Variants in AGBL4 observed in about 807,000 individuals in gnomAD.
The protein encoded by AGBL4 is AGBL carboxypeptidase 4, also known as cytosolic carboxypeptidase 6.
A neutral mutation model predicts 66.4 loss-of-function variants in AGBL4; 58 were observed. That is an observed-to-expected ratio of 0.87 (90% CI 0.71 to 1.09). AGBL4 has a LOEUF of 1.09. Ranked by LOEUF, AGBL4 falls within the 50% of genes least tolerant of loss-of-function variation. The pLI, the probability that AGBL4 is intolerant of heterozygous loss-of-function variation, is 0.00. For missense variants in AGBL4, 579 were observed against 631.0 expected, an observed-to-expected ratio of 0.92 and a Z score of 0.88; for synonymous variants, 234 against 222.9, an observed-to-expected ratio of 1.05 and a Z score of -0.44.
chr1:48,564,023 T>C (rs971291486), intron 11 of AGBL4, among the ~76,000 whole-genome samples: 5 of 152,172 alleles, frequency 3.3e-5, no homozygotes, highest in African/African-American at 4.8e-5. Flanking sequence ...ATCGGGCCTA[T>C]GATCAGCCAG....
At chr1:49,273,436 ATGT>A (rs1644103248) in intron 3 of AGBL4, among the ~76,000 whole-genome samples, 1 of 150,508 alleles carries the variant, frequency 6.6e-6, no homozygotes, top group Non-Finnish European at 1.5e-5. Context: ...ATAAATTTTT[ATGT>A]TACTTTCAAT....
chr1:49,329,391 C>T (rs577528771), intron 3 of AGBL4, among the ~76,000 whole-genome samples: 158 of 152,132 alleles, frequency 1.0e-3, no homozygotes, highest in African/African-American at 3.4e-3. Context: ...ATGTGCCGGG[C>T]GCGGTGGTTC....
chr1:49,141,998 T>TG (rs765682214), intron 4 of AGBL4, among the ~76,000 whole-genome samples: 13 of 151,896 alleles, frequency 8.6e-5, no homozygotes, highest in Non-Finnish European at 1.3e-4. Context: ...CACGAGGTGG[T>TG]GGGGGGGTGG....
At chr1:49,933,649 A>AG (rs945542882) in intron 1 of AGBL4, among the ~76,000 whole-genome samples, 2 of 152,130 alleles carry the variant, frequency 1.3e-5, no homozygotes, top group Non-Finnish European at 2.9e-5. Context: ...ACAAAGTGTG[A>AG]GGGGGGTGAA....
At chr1:48,746,654 C>T (rs1009391772) in intron 6 of AGBL4, among the ~76,000 whole-genome samples, 1 of 152,210 alleles carries the variant, frequency 6.6e-6, no homozygotes, top group Non-Finnish European at 1.5e-5. Flanking sequence ...ACCAAAGGTA[C>T]ATCTTAAAAG....
intron 2 of AGBL4, among the ~76,000 whole-genome samples, chr1:49,834,691 T>C (rs1395030568): frequency 6.6e-6 from 1 of 152,224 alleles, no homozygotes; most frequent in African/African-American, 2.4e-5. Context: ...TCTTTCCCAC[T>C]TTCTTCTGTG....
chr1:49,107,887 C>T (rs1314118602), intron 4 of AGBL4, among the ~76,000 whole-genome samples: 1 of 152,102 alleles, frequency 6.6e-6, no homozygotes, highest in Non-Finnish European at 1.5e-5. Flanking sequence ...TACCCCAACC[C>T]ACAGAAACCT....
chr1:49,816,521 T>C lies in AGBL4; in HGVS notation c.157+34875A>G, dbSNP rs546945017. 2.0e-5 allele frequency among the ~76,000 whole-genome samples: 3 copies of C among 152,164 alleles called. No homozygotes were observed. In the South Asian group the frequency reaches 6.2e-4, roughly 31 times the overall value. ...TGAAAAGTAGATATGAGTATAGACA[T>C]GGTGAAAATTAGGCCTCCCAGCCCA... On this transcript the variant is annotated intron_variant, in intron 2 of 13. Coordinates refer to ENST00000371839, the MANE Select transcript of AGBL4 (RefSeq NM_032785.4).
chr1:48,850,763 C>T (rs1009339599), intron 6 of AGBL4, among the ~76,000 whole-genome samples: 6 of 152,066 alleles, frequency 3.9e-5, no homozygotes, highest in Non-Finnish European at 5.9e-5. Flanking sequence ...GCGATCTGCC[C>T]GCCTCAGCCT....
intron 11 of AGBL4, among the ~76,000 whole-genome samples, chr1:48,542,364 C>T (rs888453612): frequency 2.6e-5 from 4 of 152,182 alleles, no homozygotes; most frequent in South Asian, 4.1e-4. Flanking sequence ...CCCAGTAATG[C>T]GATTGCTGGA....
intron 5 of AGBL4, among the ~76,000 whole-genome samples, chr1:49,020,218 A>G (rs896174553): frequency 1.4e-4 from 22 of 152,288 alleles, no homozygotes; most frequent in Middle Eastern, 6.8e-3. Flanking sequence ...GTCACCATCA[A>G]CAAAACTAAT....
downstream of AGBL4, among the ~76,000 whole-genome samples, chr1:48,528,883 G>T (rs1022605116): frequency 6.6e-6 from 1 of 152,104 alleles, no homozygotes; most frequent in Non-Finnish European, 1.5e-5. Flanking sequence ...ACAAAACATG[G>T]TATCTTGTAG....
intron 3 of AGBL4, among the ~76,000 whole-genome samples, chr1:49,495,461 T>C (rs187682041): frequency 6.6e-6 from 1 of 151,996 alleles, no homozygotes. Flanking sequence ...TCCAAAAGAT[T>C]AGACAGCCCT....
At chr1:49,897,594 TA>T (rs1204878219) in intron 1 of AGBL4, among the ~76,000 whole-genome samples, 1 of 151,474 alleles carries the variant, frequency 6.6e-6, no homozygotes, top group Non-Finnish European at 1.5e-5. Flanking sequence ...CACAAACATA[TA>T]AAAAAAATCC....
intron 3 of AGBL4, among the ~76,000 whole-genome samples, chr1:49,447,609 G>A (rs1238684779): frequency 6.6e-6 from 1 of 152,178 alleles, no homozygotes; most frequent in Non-Finnish European, 1.5e-5. Flanking sequence ...CAATGCTCTT[G>A]AGGAGTCTCC....
intron 11 of AGBL4, among the ~76,000 whole-genome samples, chr1:48,568,592 G>A (rs12146114): frequency 0.053 from 8,055 of 152,250 alleles, 280 homozygotes; most frequent in East Asian, 0.1. Context: ...AAGTCACCTA[G>A]GTATGCCCAA....
At chr1:49,802,501 AG>A (rs1644886031) in intron 2 of AGBL4, among the ~76,000 whole-genome samples, 1 of 152,186 alleles carries the variant, frequency 6.6e-6, no homozygotes, top group South Asian at 2.1e-4. Flanking sequence ...TTCTGTTTTT[AG>A]TCTCTGTTAG....
intron 3 of AGBL4, among the ~76,000 whole-genome samples, chr1:49,360,928 C>T (rs1644122704): frequency 6.6e-6 from 1 of 151,892 alleles, no homozygotes; most frequent in Non-Finnish European, 1.5e-5. Flanking sequence ...TCCCAAATAG[C>T]TGGGATTACA....
intron 6 of AGBL4, among the ~76,000 whole-genome samples, chr1:48,706,074 T>C (rs552654240): frequency 6.6e-6 from 1 of 152,272 alleles, no homozygotes; most frequent in African/African-American, 2.4e-5. Flanking sequence ...ACAAAACTGA[T>C]GATGTGCTTA....
Sources: gnomAD v4.1 joint callset for allele counts (sites outside exome capture counted in the v4.1 genomes callset) on GRCh38, gnomAD v4.1.1 for gene constraint, MANE v1.5 for transcripts, NCBI Gene and HGNC (gene_info 2026-07-23, HGNC 2026-07-21) for gene names.